The following PCDH15 variants were observed in gnomAD, a reference collection of about 807,000 sequenced individuals.
PCDH15 encodes protocadherin-15.
PCDH15 carries 129 observed loss-of-function variants against 178.5 expected under a neutral mutation model. The ratio of observed to expected loss-of-function variants is 0.72; its 90% confidence interval spans 0.63 to 0.84. The LOEUF (loss-of-function observed/expected upper bound fraction) is 0.84, where lower values mean the gene tolerates loss of function less well. PCDH15 is among the 40% of genes least tolerant of loss of function. The pLI is 0.00. For synonymous variants in PCDH15, 800 were observed against 732.0 expected, an observed-to-expected ratio of 1.09 and a Z score of -1.50; for missense variants, 2,230 against 2,099.9, an observed-to-expected ratio of 1.06 and a Z score of -1.21.
At chr10:54,757,336 G>T (rs1464675529) in intron 1 of PCDH15, among the ~76,000 whole-genome samples, 1 of 30,990 alleles carries the variant, frequency 3.2e-5, no homozygotes, top group Non-Finnish European at 6.9e-5. Flanking sequence ...AGGCTGGAGC[G>T]CAGTGGCGCG....
At chr10:54,108,311 A>T (rs1054664078) in intron 15 of PCDH15, among the ~76,000 whole-genome samples, 4 of 152,092 alleles carry the variant, frequency 2.6e-5, no homozygotes, top group African/African-American at 9.7e-5. Flanking sequence ...AGAAGAGAGG[A>T]TCTGTGCACT....
chr10:54,994,563 A>G (rs1839587655), intron 2 of PCDH15, among the ~76,000 whole-genome samples: 2 of 152,146 alleles, frequency 1.3e-5, no homozygotes, highest in African/African-American at 4.8e-5. Flanking sequence ...CAGATTATAG[A>G]AGTTTACATT....
chr10:55,498,174 A>G (rs1352837738), intron 2 of PCDH15, among the ~76,000 whole-genome samples: 3 of 151,918 alleles, frequency 2.0e-5, no homozygotes, highest in Non-Finnish European at 2.9e-5. Flanking sequence ...ATTATATTTT[A>G]AAGTCGAAAT....
At chr10:53,941,508 T>C (rs1205798802) in intron 23 of PCDH15, among the ~76,000 whole-genome samples, 3 of 152,216 alleles carry the variant, frequency 2.0e-5, no homozygotes, top group Non-Finnish European at 4.4e-5. Context: ...GCTTATTTCA[T>C]TTTTAGCACT....
At chr10:53,965,706 T>C (rs1210282950) in intron 21 of PCDH15, among the ~76,000 whole-genome samples, 2 of 152,178 alleles carry the variant, frequency 1.3e-5, no homozygotes, top group African/African-American at 4.8e-5. Context: ...AGGATAATTA[T>C]AGCACCAACT....
chr10:55,314,889 T>G (rs543290900), intron 1 of PCDH15, among the ~76,000 whole-genome samples: 2 of 152,190 alleles, frequency 1.3e-5, no homozygotes, highest in Non-Finnish European at 2.9e-5. Context: ...ACTGTAATGT[T>G]GGATATTGTT....
At chr10:55,361,894 C>T (rs1478018478) in intron 2 of PCDH15, among the ~76,000 whole-genome samples, 3 of 152,020 alleles carry the variant, frequency 2.0e-5, no homozygotes, top group African/African-American at 7.2e-5. Context: ...AAATAATTCA[C>T]TTTGAAGTGA....
chr10:54,183,325 G>T, intron 13 of PCDH15, 119 bp downstream of exon 13: 2 of 994,440 alleles, frequency 2.0e-6, no homozygotes, highest in Non-Finnish European at 1.6e-6. Context: ...AACTAATTAT[G>T]CTATACAATA....
At chr10:54,909,349 G>T (rs1198077427) in intron 2 of PCDH15, among the ~76,000 whole-genome samples, 1 of 152,152 alleles carries the variant, frequency 6.6e-6, no homozygotes, top group Non-Finnish European at 1.5e-5. Flanking sequence ...CTGCAGGCCA[G>T]TGCAGAGCTT....
intron 3 of PCDH15, among the ~76,000 whole-genome samples, chr10:54,388,651 T>C (rs1236376516): frequency 6.6e-6 from 1 of 152,214 alleles, no homozygotes; most frequent in Non-Finnish European, 1.5e-5. Flanking sequence ...AGTAACATTA[T>C]TGGATTAAGC....
chr10:54,256,968 G>C (rs1340008615), intron 8 of PCDH15, among the ~76,000 whole-genome samples: 1 of 152,008 alleles, frequency 6.6e-6, no homozygotes, highest in Non-Finnish European at 1.5e-5. Flanking sequence ...TATATCCCTA[G>C]TACATAAAAC....
chr10:54,309,945 T>C (rs1190601584), intron 8 of PCDH15, among the ~76,000 whole-genome samples: 2 of 152,096 alleles, frequency 1.3e-5, no homozygotes, highest in Non-Finnish European at 1.5e-5. Context: ...AGTTTAATAT[T>C]TATAGTAGGA....
At position 55,082,243 on chromosome 10, in the gene PCDH15, A is replaced by G. The variant is rs565210571; in HGVS notation, c.-80+84333T>C. Among the ~76,000 whole-genome samples, 81 of 152,250 alleles carry G rather than the reference A, an allele frequency of 5.3e-4. 1 individual carries two copies. The highest frequency in any genetic ancestry group is 1.9e-3 in the African/African-American group (79 of 41,566). ...ATCTTCTCTGACAACAGTGGAATAA[A>G]GCTAGAAATCAAAAACAAGATAAAC... is the stretch of plus-strand genomic sequence containing the variant. On this transcript the variant is annotated intron_variant, in intron 2 of 5. Coordinates refer to the PCDH15 transcript ENST00000458638.
chr10:54,076,770 C>G (rs1027381645), intron 17 of PCDH15, among the ~76,000 whole-genome samples: 2 of 152,066 alleles, frequency 1.3e-5, no homozygotes, highest in Admixed American at 1.3e-4. Flanking sequence ...AATGTGACCT[C>G]TTATCTCCAT....
At chr10:53,983,825 T>C (rs1219864623) in intron 21 of PCDH15, among the ~76,000 whole-genome samples, 2 of 152,212 alleles carry the variant, frequency 1.3e-5, no homozygotes, top group Admixed American at 6.6e-5. Context: ...TAGTAATTAG[T>C]GACCCTATAT....
intron 3 of PCDH15, among the ~76,000 whole-genome samples, chr10:54,833,542 G>C (rs1412296438): frequency 6.6e-6 from 1 of 152,142 alleles, no homozygotes; most frequent in Non-Finnish European, 1.5e-5. Context: ...ATGCTGGCTT[G>C]CACCATGGAT....
chr10:53,925,593 T>G (rs937486414), intron 25 of PCDH15, among the ~76,000 whole-genome samples: 3 of 152,218 alleles, frequency 2.0e-5, no homozygotes, highest in African/African-American at 7.2e-5. Context: ...GATACAAGCT[T>G]CACTAGCTCA....
intron 29 of PCDH15, among the ~76,000 whole-genome samples, chr10:53,835,174 A>C (rs571931831): frequency 1.3e-5 from 2 of 152,278 alleles, no homozygotes; most frequent in African/African-American, 4.8e-5. Context: ...TAGAACATTG[A>C]AAGAGGCTTT....
chr10:55,337,829 G>C (rs1844437007), intron 2 of PCDH15, among the ~76,000 whole-genome samples: 1 of 133,496 alleles, frequency 7.5e-6, no homozygotes. Context: ...AATATCCTAA[G>C]TAGGTATAAG....
Sources: gnomAD v4.1 joint callset for allele counts (sites outside exome capture counted in the v4.1 genomes callset) on GRCh38, gnomAD v4.1.1 for gene constraint, MANE v1.5 for transcripts, NCBI Gene and HGNC (gene_info 2026-07-23, HGNC 2026-07-21) for gene names.